Variants in CWC27 observed in about 807,000 individuals in gnomAD.
CWC27 encodes CWC27 spliceosome associated cyclophilin.
Under a neutral mutation model 63.6 loss-of-function variants are expected in CWC27, and 47 were observed. That is an observed-to-expected ratio of 0.74 (90% CI 0.58 to 0.94). The LOEUF (loss-of-function observed/expected upper bound fraction) is 0.94. Among genes scored for constraint, CWC27 ranks in the 40% least tolerant of loss-of-function variants. CWC27 has a pLI of 0.00. For missense variants in CWC27, 495 were observed against 554.3 expected (o/e 0.89, Z 1.07); for synonymous variants, 175 against 179.8 (o/e 0.97, Z 0.22).
chr5:64,919,171 C>T (rs749745283), intron 11 of CWC27, among the ~76,000 whole-genome samples: 9 of 152,150 alleles, frequency 5.9e-5, no homozygotes, highest in Non-Finnish European at 8.8e-5. Context: ...TGTGTACACA[C>T]GTATATGCTG....
intron 1 of CWC27, among the ~76,000 whole-genome samples, chr5:64,774,449 A>G (rs1743369060): frequency 6.6e-6 from 1 of 152,242 alleles, no homozygotes; most frequent in South Asian, 2.1e-4. Flanking sequence ...TAAAAAAGAT[A>G]TATGCTATTG....
chr5:65,000,010 C>T (rs908948104), intron 13 of CWC27, among the ~76,000 whole-genome samples: 1 of 152,008 alleles, frequency 6.6e-6, no homozygotes, highest in Non-Finnish European at 1.5e-5. Context: ...TATTTGCTGT[C>T]TCTTTCATAA....
Position 64,785,405 on chromosome 5 carries a change from T to C in CWC27, c.397-76T>C, listed in dbSNP as rs1291400885. On this transcript the variant is annotated intron_variant, in intron 4 of 13. Transcript: ENST00000381070. The stretch of plus-strand genomic sequence containing the variant: ...AATTTTCTTTTAATTATTTGAAAGA[T>C]GTTTTCAAAGGTTTTCTCTTAATTC... 4.6e-6 allele frequency: 3 copies of C among 647,686 alleles called. No individual in the cohort carries two copies. In the East Asian group the frequency reaches 9.3e-5, roughly 20 times the overall value. The allele number at this position is 647,686 out of a possible 1,614,324, so 40.1% of individuals were successfully genotyped here.
At chr5:64,940,424 C>CA (rs1156903053) in intron 11 of CWC27, among the ~76,000 whole-genome samples, 1 of 152,208 alleles carries the variant, frequency 6.6e-6, no homozygotes, top group Admixed American at 6.5e-5. Flanking sequence ...TGTTTCGGCT[C>CA]ACCCTCCGTG....
chr5:64,985,485 A>G (rs945000863), intron 13 of CWC27, among the ~76,000 whole-genome samples: 3 of 152,136 alleles, frequency 2.0e-5, no homozygotes, highest in Non-Finnish European at 4.4e-5. Flanking sequence ...TACCCTACAC[A>G]TGTGTTTTTG....
At chr5:64,990,240 GT>G (rs1157360219) in intron 13 of CWC27, among the ~76,000 whole-genome samples, 1 of 77,578 alleles carries the variant, frequency 1.3e-5, no homozygotes, top group Non-Finnish European at 2.7e-5. Context: ...GTTTTTATTT[GT>G]TTTTTTTTTG....
Position 64,944,615 on chromosome 5 carries a change from G to A in CWC27, c.1043-27088G>A, listed in dbSNP as rs533674708. On this transcript the variant is annotated intron_variant, in intron 11 of 13. Coordinates refer to ENST00000381070, the MANE Select transcript of CWC27 (RefSeq NM_005869.4). ...ACCTGCTCCTCCTGAAATCATCCCTGTCTCAGTTAATTTTGGAATCGTTTT... is the reference window on the plus strand; with the variant it reads ...ACCTGCTCCTCCTGAAATCATCCCTATCTCAGTTAATTTTGGAATCGTTTT... Among the ~76,000 whole-genome samples the A allele has an allele frequency of 8.5e-5, 13 of 152,216 alleles. No individual in the cohort carries two copies. The South Asian group carries it at 2.5e-3, about 29-fold the overall frequency.
chr5:64,889,707 T>A (rs1002549237), intron 11 of CWC27, among the ~76,000 whole-genome samples: 3 of 152,180 alleles, frequency 2.0e-5, no homozygotes, highest in African/African-American at 7.2e-5. Context: ...GAATTTGCAG[T>A]AGGCTCTAAC....
chr5:64,992,710 T>G (rs1749559141), intron 13 of CWC27, among the ~76,000 whole-genome samples: 1 of 151,716 alleles, frequency 6.6e-6, no homozygotes, highest in Non-Finnish European at 1.5e-5. Flanking sequence ...TTTTTTTTTT[T>G]TTTTAATAGA....
In CWC27 at chr5:64,797,349, C is replaced by G. The variant is rs114583893; in HGVS notation, c.670-2899C>G. 8.8e-3 allele frequency among the ~76,000 whole-genome samples: 1,332 copies of G among 152,224 alleles called. 24 individuals carry two copies. Among genetic ancestry groups the G allele is most frequent in the African/African-American group, 0.031 (1,286 of 41,550 alleles). On this transcript the variant is annotated intron_variant, in intron 7 of 13. Coordinates refer to ENST00000381070, the MANE Select transcript of CWC27 (RefSeq NM_005869.4). ...AAAAATGTCTGAATTCATTTTCACT[C>G]TCTTAAGGATTGTCTCCTAATTTCT...
At chr5:64,783,537 G>A (rs1380426579) in intron 3 of CWC27, among the ~76,000 whole-genome samples, 6 of 152,192 alleles carry the variant, frequency 3.9e-5, no homozygotes, top group Admixed American at 3.9e-4. Flanking sequence ...AGCTGACTTT[G>A]GGATGAGAAT....
chr5:64,774,520 G>C (rs561265498), intron 1 of CWC27, among the ~76,000 whole-genome samples, 171 bp from the exon 2 acceptor site: 2 of 152,156 alleles, frequency 1.3e-5, no homozygotes, highest in East Asian at 3.8e-4. Flanking sequence ...TGTACAATGA[G>C]TTGTAGTGAA....
intron 10 of CWC27, among the ~76,000 whole-genome samples, chr5:64,859,839 AT>A (rs976266017): frequency 1.3e-5 from 2 of 151,992 alleles, no homozygotes; most frequent in Non-Finnish European, 2.9e-5. Context: ...CTGTATGTTC[AT>A]TTTTTTCATT....
At chr5:64,947,223 G>C (rs986786601) in intron 11 of CWC27, among the ~76,000 whole-genome samples, 2 of 152,084 alleles carry the variant, frequency 1.3e-5, no homozygotes, top group Non-Finnish European at 2.9e-5. Context: ...ACCAGTTCAA[G>C]TTCTGTCAAC....
intron 11 of CWC27, among the ~76,000 whole-genome samples, chr5:64,950,004 T>C (rs1561167889): frequency 1.3e-5 from 2 of 152,040 alleles, no homozygotes; most frequent in Non-Finnish European, 2.9e-5. Context: ...AGTTGTGCTA[T>C]AAATGAATAC....
At chr5:64,960,743 G>A (rs910020770) in intron 11 of CWC27, among the ~76,000 whole-genome samples, 1 of 151,876 alleles carries the variant, frequency 6.6e-6, no homozygotes, top group Non-Finnish European at 1.5e-5. Flanking sequence ...TTATAAGCAG[G>A]CTTATTAACA....
At chr5:64,798,520 AGATT>A (rs1744361740) in intron 7 of CWC27, among the ~76,000 whole-genome samples, 1 of 152,216 alleles carries the variant, frequency 6.6e-6, no homozygotes, top group African/African-American at 2.4e-5. Flanking sequence ...TTAGATATAT[AGATT>A]AATTGCATAA....
At chr5:64,860,479 A>G (rs1197936254) in intron 10 of CWC27, among the ~76,000 whole-genome samples, 1 of 152,194 alleles carries the variant, frequency 6.6e-6, no homozygotes, top group Non-Finnish European at 1.5e-5. Context: ...AGATATCAGG[A>G]TAAAGCTGAA....
At chr5:64,832,795 A>C (rs1745561402) in intron 10 of CWC27, among the ~76,000 whole-genome samples, 1 of 151,838 alleles carries the variant, frequency 6.6e-6, no homozygotes, top group Non-Finnish European at 1.5e-5. Flanking sequence ...CTCAGTACAA[A>C]TGTCAAAACA....
Sources: allele counts gnomAD v4.1 joint callset (sites outside exome capture counted in the v4.1 genomes callset), GRCh38; gene constraint gnomAD v4.1.1; transcripts MANE v1.5; gene names NCBI Gene and HGNC (gene_info 2026-07-23, HGNC 2026-07-21).